WDR18: variants seen among roughly 807,000 people sequenced by gnomAD.
WDR18 encodes the protein WD repeat domain 18, also known as WD repeat-containing protein 18.
In WDR18, 33 loss-of-function variants were observed where a neutral mutation model predicts 49.6. The ratio of observed to expected loss-of-function variants is 0.67; its 90% confidence interval spans 0.50 to 0.89. The LOEUF (loss-of-function observed/expected upper bound fraction) is 0.89, where lower values mean the gene tolerates loss of function less well. Among genes scored for constraint, WDR18 ranks in the 40% least tolerant of loss-of-function variants. The pLI is 0.00. For synonymous variants in WDR18, 315 were observed against 263.6 expected (o/e 1.19, Z -1.89); for missense variants, 653 against 593.6 (o/e 1.10, Z -1.04).
chr19:986,378 T>G (rs1001189352), intron 2 of WDR18, among the ~76,000 whole-genome samples: 2 of 150,912 alleles, frequency 1.3e-5, no homozygotes, highest in Non-Finnish European at 3.0e-5. Context: ...CAAGCAATCC[T>G]CCTGTCTCAG....
At position 994,513 on chromosome 19, in the gene WDR18, T is replaced by C; in HGVS notation, c.*169T>C. 4 of 940,840 alleles carry C rather than the reference T, an allele frequency of 4.3e-6. No homozygotes were observed. Among genetic ancestry groups the C allele is most frequent in the Non-Finnish European group, 6.2e-6 (4 of 648,012 alleles). 58.3% of individuals were successfully genotyped at this position (940,840 alleles called of 1,614,324 possible). Reference sequence around the variant, plus strand: ...CCGTCTTGGTGTCTCGTGGCACGCGTCACAGTGGTGCTAGTCTGTTTTTAA... The same window carrying C: ...CCGTCTTGGTGTCTCGTGGCACGCGCCACAGTGGTGCTAGTCTGTTTTTAA... On this transcript the variant is annotated 3_prime_UTR_variant, in exon 10 of 10. Transcript: ENST00000585809.
chr19:986,981 C>T (rs2038481871), intron 2 of WDR18, among the ~76,000 whole-genome samples: 1 of 152,192 alleles, frequency 6.6e-6, no homozygotes, highest in Non-Finnish European at 1.5e-5. Flanking sequence ...CTTGTCCTTG[C>T]TTCCCTCAGT....
Position 994,035 on chromosome 19 carries a change from T to C in WDR18, c.1114T>C (p.Tyr372His). Residue 372 changes from tyrosine (Y) to histidine (H), a missense_variant, in exon 9 of 10, where the codon TAC becomes CAC. By Grantham distance (83) the Tyr-to-His change is moderately conservative. Transcript: ENST00000585809. ...GLHQQGSEPS[Y>H]LDRTEQLQAV... Reference sequence around the variant, plus strand: ...TGTGTTACAGGGCTCGGAGCCCAGCTACCTGGACCGCACGGAGCAGCTGCA... The same window carrying C: ...TGTGTTACAGGGCTCGGAGCCCAGCCACCTGGACCGCACGGAGCAGCTGCA... 1 of 1,557,592 alleles carries C rather than the reference T, an allele frequency of 6.4e-7. No homozygotes were observed. The highest frequency in any genetic ancestry group is 1.2e-5 in the South Asian group (1 of 84,604).
chr19:983,762 G>C (rs115280208), upstream of WDR18, among the ~76,000 whole-genome samples: 421 of 151,980 alleles, frequency 2.8e-3, 8 homozygotes, highest in African/African-American at 9.7e-3. Context: ...ACACTGGGCC[G>C]GGCGCGGTGG....
rs774497105 is a variant in WDR18, at chr19:992,004, C to T, written c.981C>T (p.Ser327=). The T allele has an allele frequency of 1.6e-5, 26 of 1,598,368 alleles. No homozygotes were observed. The Admixed American group carries it at 4.2e-4, about 26-fold the overall frequency. Residue 327 remains serine (S), a synonymous_variant, in exon 8 of 10, where the codon AGC becomes AGT. Coordinates refer to ENST00000585809, the MANE Select transcript of WDR18 (RefSeq NM_024100.4). Reference sequence around the variant, plus strand: ...TGCTGGCGCCCGTCAGCATGCTGAGCTCAGACTTCAGGCCCAGCCTGCCGC... The same window carrying T: ...TGCTGGCGCCCGTCAGCATGCTGAGTTCAGACTTCAGGCCCAGCCTGCCGC... ...AILLAPVSML[S]SDFRPSLPLP... is the part of the protein sequence containing the mutation.
rs1218960068 is a variant in WDR18 at position 990,954 on chromosome 19, G to T, written c.700G>T (p.Gly234Cys). The T allele has an allele frequency of 1.2e-6, 2 of 1,612,178 alleles. No homozygotes were observed. Among genetic ancestry groups the T allele is most frequent in the South Asian group, 2.2e-5 (2 of 90,968 alleles). ...DLAEHHMFCG[G>C]SEGSIFQVDL... ...GGCTGAGCACCATATGTTCTGCGGGGGCAGTGAGGGCTCCATCTTCCAGGT... is the reference window on the plus strand; with the variant it reads ...GGCTGAGCACCATATGTTCTGCGGGTGCAGTGAGGGCTCCATCTTCCAGGT... Residue 234 changes from glycine to cysteine, a missense_variant, in exon 5 of 10, where the codon GGC (glycine) becomes TGC (cysteine). Physicochemically the swap from Gly to Cys is radical, Grantham distance 159. Coordinates refer to ENST00000585809, the MANE Select transcript of WDR18 (RefSeq NM_024100.4).
intron 1 of WDR18, 74 bp from the exon 2 acceptor site, chr19:985,791 T>A: frequency 6.9e-7 from 1 of 1,452,084 alleles, no homozygotes; most frequent in Non-Finnish European, 9.6e-7. Context: ...AGGCGTCCCC[T>A]CCCCTCGCCC....
At chr19:993,541 C>T (rs1054894012) in intron 8 of WDR18, among the ~76,000 whole-genome samples, 6 of 152,372 alleles carry the variant, frequency 3.9e-5, no homozygotes, top group East Asian at 3.9e-4. Flanking sequence ...GTCCAGGAGG[C>T]GGGTTCCCGA....
rs746486326 is a variant in WDR18, at chr19:992,055, G to A, written c.1032G>A (p.Leu344=). 2 of 1,580,630 alleles carry A rather than the reference G, an allele frequency of 1.3e-6. No individual in the cohort carries two copies. Among genetic ancestry groups the A allele is most frequent in the Non-Finnish European group, 8.6e-7 (1 of 1,168,268 alleles). Residue 344 remains leucine (L), a synonymous_variant, in exon 8 of 10, where the codon CTG becomes CTA. Transcript: ENST00000585809. ...LPLPHFNKHL[L]GAEHGDEPRH... ...TGCCCCACTTCAACAAGCACCTGCT[G>A]GGCGCCGAGCACGGGGACGAGCCGC...
At chr19:993,976 G>A in intron 8 of WDR18, 44 bp from the exon 9 acceptor site, 1 of 1,545,398 alleles carries the variant, frequency 6.5e-7, no homozygotes, top group Middle Eastern at 1.7e-4. Context: ...CGTGTGGTGT[G>A]TGACAGGACG....
chr19:986,841 G>C (rs1290408392), intron 2 of WDR18, among the ~76,000 whole-genome samples: 1 of 152,196 alleles, frequency 6.6e-6, no homozygotes, highest in Non-Finnish European at 1.5e-5. Context: ...TAGATCACCG[G>C]CTGTGTTGTC....
At position 990,659 on chromosome 19, in the gene WDR18, G is replaced by A. The variant is rs1599446792; in HGVS notation, c.598-193G>A. 3 of 905,742 alleles carry A rather than the reference G, an allele frequency of 3.3e-6. No individual in the cohort carries two copies. The East Asian group carries it at 8.5e-5, about 26-fold the overall frequency. The allele number at this position is 905,742 out of a possible 1,614,324, so 56.1% of individuals were successfully genotyped here. A position where few individuals can be genotyped will look rare whatever the true frequency, so the allele number is the denominator to read the frequency against. On this transcript the variant is annotated intron_variant, in intron 4 of 9. Transcript: ENST00000585809. ...AGGGAGAACCAGGGGTCATCAGCCG[G>A]AGACCAAGCTCCATTTCAGCACAGG...
chr19:983,239 C>T (rs2145498343), upstream of WDR18, among the ~76,000 whole-genome samples: 1 of 152,018 alleles, frequency 6.6e-6, no homozygotes, highest in Admixed American at 6.5e-5. Flanking sequence ...GGAGACCAGC[C>T]TGAGCAACAC....
intron 5 of WDR18, 26 bp downstream of exon 5, chr19:991,021 A>ACCCTG (rs2038538204): frequency 6.2e-7 from 1 of 1,600,546 alleles, no homozygotes. Context: ...TGCGGGCTGC[A>ACCCTG]CCCTGCCCTG....
At chr19:991,185 C>T (rs1342993308) in intron 6 of WDR18, 40 bp downstream of exon 6, 33 of 1,461,386 alleles carry the variant, frequency 2.3e-5, no homozygotes, top group Non-Finnish European at 2.9e-5. Flanking sequence ...CCAGGCACGT[C>T]CTGTCTGGCA....
In WDR18 at chr19:994,381, G is replaced by C. The variant is rs1476416446; in HGVS notation, c.*37G>C. 15 of 1,576,648 alleles carry C rather than the reference G, an allele frequency of 9.5e-6. No homozygotes were observed. The highest frequency in any genetic ancestry group is 8.6e-6 in the Non-Finnish European group (10 of 1,163,702). ...CCCGGCCCGAGGCGCCCAGGCCTGA[G>C]CCCCATGCCTCCCAGCAACCAGGGC... is the stretch of plus-strand genomic sequence containing the variant. On this transcript the variant is annotated 3_prime_UTR_variant, in exon 10 of 10. Coordinates refer to ENST00000585809, the MANE Select transcript of WDR18 (RefSeq NM_024100.4).
chr19:987,040 A>G (rs2038482392), intron 2 of WDR18, among the ~76,000 whole-genome samples: 1 of 152,064 alleles, frequency 6.6e-6, no homozygotes, highest in Non-Finnish European at 1.5e-5. Context: ...GCATTCTCGG[A>G]GAGATAAAAA....
rs1177524597 is a variant in WDR18 at position 992,016 on chromosome 19, G to A, written c.993G>A (p.Arg331=). 1.2e-5 allele frequency: 19 copies of A among 1,594,790 alleles called. No homozygotes were observed. The highest frequency in any genetic ancestry group is 1.6e-5 in the Non-Finnish European group (19 of 1,174,874). Residue 331 remains arginine (R), a synonymous_variant, in exon 8 of 10, where the codon AGG becomes AGA. Coordinates refer to ENST00000585809, the MANE Select transcript of WDR18 (RefSeq NM_024100.4). ...APVSMLSSDF[R]PSLPLPHFNK... is the part of the protein sequence containing the mutation. Reference sequence around the variant, plus strand: ...TCAGCATGCTGAGCTCAGACTTCAGGCCCAGCCTGCCGCTGCCCCACTTCA... The same window carrying A: ...TCAGCATGCTGAGCTCAGACTTCAGACCCAGCCTGCCGCTGCCCCACTTCA...
intron 2 of WDR18, 97 bp from the exon 3 acceptor site, chr19:989,665 G>A: frequency 6.5e-7 from 1 of 1,540,204 alleles, no homozygotes; most frequent in South Asian, 1.2e-5. Flanking sequence ...CGACAGTGTG[G>A]CCATGGCCGT....
Sources: allele counts gnomAD v4.1 joint callset (sites outside exome capture counted in the v4.1 genomes callset), GRCh38; gene constraint gnomAD v4.1.1; transcripts MANE v1.5; gene names NCBI Gene and HGNC (gene_info 2026-07-23, HGNC 2026-07-21).